The following NT5C2 variants were observed in gnomAD, a reference collection of about 807,000 sequenced individuals.
The protein encoded by NT5C2 is 5'-nucleotidase, cytosolic II.
NT5C2 carries 58 observed loss-of-function variants against 76.1 expected under a neutral mutation model. The observed-to-expected ratio is 0.76, with a 90% CI of 0.62 to 0.95. The LOEUF is 0.95. Among genes scored for constraint, NT5C2 ranks in the 40% least tolerant of loss-of-function variants. NT5C2 has a pLI of 0.00. For synonymous variants in NT5C2, 229 were observed against 237.4 expected (o/e 0.96, Z 0.32); for missense variants, 478 against 690.3 (o/e 0.69, Z 3.45).
Position 103,089,525 on chromosome 10 carries a change from GATAATAAAATCTTC to G in NT5C2, c.*133_*146del. On this transcript the variant is annotated 3_prime_UTR_variant, in exon 19 of 19. Transcript: ENST00000404739. ...ACACAAAACCAAAACAAGTATCTAT[GATAATAAAATCTTC>G]AGAAACTTTTCAGACGTACCTTTCA... The G allele has an allele frequency of 3.7e-6, 5 of 1,368,870 alleles. No homozygotes were observed. Among genetic ancestry groups the G allele is most frequent in the Non-Finnish European group, 4.8e-6 (5 of 1,039,898 alleles). 84.8% of individuals were successfully genotyped at this position (1,368,870 alleles called of 1,614,324 possible).
intron 4 of NT5C2, among the ~76,000 whole-genome samples, chr10:103,129,918 G>A (rs1170327282): frequency 9.8e-5 from 10 of 101,914 alleles, no homozygotes; most frequent in South Asian, 3.8e-4. Flanking sequence ...CGCCCCGTCC[G>A]GGAGGGAGGT....
intron 3 of NT5C2, chr10:103,169,258 GAC>G (rs1471899109): frequency 1.3e-5 from 2 of 152,128 alleles, no homozygotes; most frequent in East Asian, 3.9e-4. Context: ...TGTTTAAAAA[GAC>G]ATATACATAT....
At chr10:103,099,076 A>G (rs2068901275) in intron 9 of NT5C2, 92 bp from the exon 10 acceptor site, 2 of 989,314 alleles carry the variant, frequency 2.0e-6, no homozygotes, top group Admixed American at 2.2e-5. Context: ...TAATCAACCC[A>G]AATCCTTTCT....
chr10:103,092,516 C>T (rs1322784386), intron 15 of NT5C2, among the ~76,000 whole-genome samples: 1 of 152,240 alleles, frequency 6.6e-6, no homozygotes, highest in Non-Finnish European at 1.5e-5. Flanking sequence ...GCTCCTACCC[C>T]AGGCAGGCTG....
intron 3 of NT5C2, among the ~76,000 whole-genome samples, chr10:103,147,971 C>T (rs1337297352): frequency 6.6e-6 from 1 of 151,882 alleles, no homozygotes; most frequent in Non-Finnish European, 1.5e-5. Flanking sequence ...TTGAATGATA[C>T]GTGAATTGTA....
At chr10:103,187,563 A>C (rs1040747528) in intron 1 of NT5C2, among the ~76,000 whole-genome samples, 3 of 151,930 alleles carry the variant, frequency 2.0e-5, no homozygotes, top group Admixed American at 1.3e-4. Flanking sequence ...AAAAAAAAAA[A>C]AAAAAAAAAC....
intron 3 of NT5C2, among the ~76,000 whole-genome samples, chr10:103,143,365 A>G (rs2133301425): frequency 6.6e-6 from 1 of 152,268 alleles, no homozygotes; most frequent in South Asian, 2.1e-4. Context: ...TACAGAAAGA[A>G]AATATCAGAT....
chr10:103,183,274 T>C (rs1197381274), intron 1 of NT5C2, among the ~76,000 whole-genome samples: 1 of 115,800 alleles, frequency 8.6e-6, no homozygotes, highest in Non-Finnish European at 1.8e-5. Context: ...TATATATATA[T>C]ATATATATAT....
intron 1 of NT5C2, among the ~76,000 whole-genome samples, chr10:103,189,135 T>C (rs937802167): frequency 6.6e-6 from 1 of 152,158 alleles, no homozygotes; most frequent in Non-Finnish European, 1.5e-5. Flanking sequence ...ATTAGCATGT[T>C]TTCATTACAG....
chr10:103,099,604 T>A (rs950148174), intron 9 of NT5C2, among the ~76,000 whole-genome samples: 2 of 151,648 alleles, frequency 1.3e-5, no homozygotes, highest in Non-Finnish European at 2.9e-5. Flanking sequence ...GGGTGGGAGG[T>A]ATCTGGACAA....
chr10:103,090,655 G>A lies in NT5C2; in HGVS notation c.1405C>T (p.Leu469=). ...AAGAGGTAGCTGAAAGGGTAATACA[G>A]CAGGTTGATGAAAGATGCTGCATAG... The part of the protein sequence containing the change: ...DLYAASFINL[L]YYPFSYLFRA... Residue 469 remains leucine (L), a synonymous_variant, in exon 18 of 19, where the codon CTG becomes TTG. Transcript: ENST00000404739. 6.2e-6 allele frequency: 10 copies of A among 1,614,114 alleles called. No homozygotes were observed. The highest frequency in any genetic ancestry group is 8.5e-6 in the Non-Finnish European group (10 of 1,180,018).
intron 1 of NT5C2, among the ~76,000 whole-genome samples, chr10:103,185,770 T>C (rs1298286700): frequency 2.0e-5 from 3 of 152,118 alleles, no homozygotes; most frequent in Non-Finnish European, 4.4e-5. Flanking sequence ...AGCTCTTATT[T>C]TTCCTGTTAC....
chr10:103,101,512 T>C, intron 6 of NT5C2, among the ~76,000 whole-genome samples, 186 bp from the exon 7 acceptor site: 1 of 134,840 alleles, frequency 7.4e-6, no homozygotes, highest in Non-Finnish European at 1.6e-5. Flanking sequence ...TTTTTAATTT[T>C]AATTTTTTTT....
chr10:103,167,217 C>G (rs1344945688), intron 3 of NT5C2, among the ~76,000 whole-genome samples: 1 of 151,840 alleles, frequency 6.6e-6, no homozygotes, highest in Admixed American at 6.6e-5. Context: ...GGGGTTTCAC[C>G]ATGTTGGCCA....
chr10:103,089,662 G>T lies in NT5C2; in HGVS notation c.*10C>A, dbSNP rs745799161. The T allele has an allele frequency of 6.3e-7, 1 of 1,583,514 alleles. No individual in the cohort carries two copies. Among genetic ancestry groups the T allele is most frequent in the East Asian group, 2.2e-5 (1 of 44,660 alleles). On this transcript the variant is annotated 3_prime_UTR_variant, in exon 19 of 19. Transcript: ENST00000404739. ...TGTTTAATGGGTGCTTGGGGTTTTGGTTTTCCTCCTTATTCTTCCTCCTCC... is the reference window on the plus strand; with the variant it reads ...TGTTTAATGGGTGCTTGGGGTTTTGTTTTTCCTCCTTATTCTTCCTCCTCC...
At chr10:103,098,030 A>C (rs1227166074) in intron 10 of NT5C2, 1 of 528,908 alleles carries the variant, frequency 1.9e-6, no homozygotes, top group Non-Finnish European at 3.9e-6. Flanking sequence ...ACAAAAACTG[A>C]AAACAAGAAA....
intron 3 of NT5C2, among the ~76,000 whole-genome samples, chr10:103,162,962 C>CTTAGA (rs1396771055): frequency 6.6e-6 from 1 of 152,160 alleles, no homozygotes; most frequent in East Asian, 1.9e-4. Flanking sequence ...CTTTCCTTCT[C>CTTAGA]TACTAACTCT....
At chr10:103,168,945 G>A (rs2087084675) in intron 3 of NT5C2, among the ~76,000 whole-genome samples, 2 of 152,126 alleles carry the variant, frequency 1.3e-5, no homozygotes, top group Non-Finnish European at 2.9e-5. Context: ...AAAAGACCTG[G>A]AAACAGAATA....
intron 3 of NT5C2, chr10:103,140,046 G>A (rs1000640207): frequency 6.6e-6 from 1 of 152,336 alleles, no homozygotes; most frequent in Non-Finnish European, 1.5e-5. Context: ...AGCCTCCTGA[G>A]TAGCAGGAAC....
Sources: gnomAD v4.1 joint callset for allele counts (sites outside exome capture counted in the v4.1 genomes callset) on GRCh38, gnomAD v4.1.1 for gene constraint, MANE v1.5 for transcripts, NCBI Gene and HGNC (gene_info 2026-07-23, HGNC 2026-07-21) for gene names.